GABRB3: variants seen among roughly 807,000 people sequenced by gnomAD.
GABRB3 encodes gamma-aminobutyric acid receptor subunit beta-3.
GABRB3 carries 14 observed loss-of-function variants against 52.1 expected under a neutral mutation model. The observed-to-expected ratio is 0.27, with a 90% CI of 0.18 to 0.42. The LOEUF (loss-of-function observed/expected upper bound fraction) is 0.42, where lower values mean the gene tolerates loss of function less well. Among genes scored for constraint, GABRB3 ranks in the 10% least tolerant of loss-of-function variants. GABRB3 has a pLI of 1.00. For synonymous variants in GABRB3, 260 were observed against 232.3 expected (o/e 1.12, Z -1.08); for missense variants, 307 against 609.1 (o/e 0.50, Z 5.22).
chr15:26,624,131 G>A (rs1041834682), intron 3 of GABRB3: 3 of 937,354 alleles, frequency 3.2e-6, no homozygotes, highest in Non-Finnish European at 3.8e-6. Context: ...AAAGGTTCTC[G>A]GACACTGGGC....
intron 6 of GABRB3, among the ~76,000 whole-genome samples, chr15:26,574,290 T>C (rs1010387289): frequency 6.6e-6 from 1 of 152,106 alleles, no homozygotes; most frequent in Non-Finnish European, 1.5e-5. Context: ...ATGGAGAAAT[T>C]GGAACCCTCC....
At chr15:26,682,169 G>A (rs769771147) in intron 3 of GABRB3, among the ~76,000 whole-genome samples, 3 of 151,996 alleles carry the variant, frequency 2.0e-5, no homozygotes, top group South Asian at 2.1e-4. Context: ...CAACGGTGCC[G>A]CGAAGGCAGT....
chr15:26,579,044 T>C (rs1012708441), intron 6 of GABRB3, among the ~76,000 whole-genome samples: 2 of 152,182 alleles, frequency 1.3e-5, no homozygotes, highest in African/African-American at 4.8e-5. Context: ...GTCTTAAAAA[T>C]TCAGGCTTTT....
chr15:26,579,625 C>T (rs1239369379), intron 6 of GABRB3, among the ~76,000 whole-genome samples: 2 of 152,208 alleles, frequency 1.3e-5, no homozygotes, highest in African/African-American at 4.8e-5. Flanking sequence ...TTTTACAAAG[C>T]ACTTTCATTT....
rs564730966 is a variant in GABRB3 at position 26,708,888 on chromosome 15, T to C, written c.240+63514A>G. Among the ~76,000 whole-genome samples the C allele has an allele frequency of 2.0e-5, 3 of 152,304 alleles. No individual in the cohort carries two copies. In the South Asian group the frequency reaches 6.2e-4, roughly 32 times the overall value. On this transcript the variant is annotated intron_variant, in intron 3 of 8. Coordinates refer to ENST00000311550, the MANE Select transcript of GABRB3 (RefSeq NM_000814.6). ...AGTACAGGACCTTTATGCGGGCTGTTTGGAAGGATCCAGAGAGCTATCACA... is the reference window on the plus strand; with the variant it reads ...AGTACAGGACCTTTATGCGGGCTGTCTGGAAGGATCCAGAGAGCTATCACA...
chr15:26,652,316 C>A (rs900848413), intron 3 of GABRB3, among the ~76,000 whole-genome samples: 2 of 152,204 alleles, frequency 1.3e-5, no homozygotes, highest in African/African-American at 4.8e-5. Context: ...TTGAACCAAA[C>A]TGTAAAACCA....
intron 3 of GABRB3, among the ~76,000 whole-genome samples, chr15:26,720,390 T>C (rs888912960): frequency 2.0e-5 from 3 of 152,178 alleles, no homozygotes; most frequent in Non-Finnish European, 4.4e-5. Context: ...TTCTCCTGGC[T>C]CTCTGATCCC....
At chr15:26,556,394 G>A (rs190731594) in intron 8 of GABRB3, among the ~76,000 whole-genome samples, 30 of 152,312 alleles carry the variant, frequency 2.0e-4, no homozygotes, top group Non-Finnish European at 3.7e-4. Context: ...GACTTGCCAC[G>A]TGAAGAATGA....
chr15:26,727,259 C>T (rs1889798678), intron 3 of GABRB3, among the ~76,000 whole-genome samples: 1 of 152,174 alleles, frequency 6.6e-6, no homozygotes, highest in Non-Finnish European at 1.5e-5. Context: ...CTGTCTAATT[C>T]CATCAACCTC....
intron 3 of GABRB3, among the ~76,000 whole-genome samples, chr15:26,718,219 T>C (rs536210651): frequency 3.3e-5 from 5 of 151,412 alleles, no homozygotes; most frequent in Admixed American, 6.6e-5. Context: ...TATTTATTTA[T>C]TTTTTTGGGA....
intron 4 of GABRB3, among the ~76,000 whole-genome samples, chr15:26,589,445 C>T (rs1176913895): frequency 6.6e-6 from 1 of 152,150 alleles, no homozygotes; most frequent in Non-Finnish European, 1.5e-5. Flanking sequence ...ATCTCTTCCC[C>T]CATTTGTATG....
intron 4 of GABRB3, among the ~76,000 whole-genome samples, chr15:26,610,282 T>G (rs868443146): frequency 6.6e-6 from 1 of 152,220 alleles, no homozygotes; most frequent in African/African-American, 2.4e-5. Flanking sequence ...GATTTGAGAC[T>G]GATCTCCCAT....
chr15:26,655,329 G>A (rs539048020), intron 3 of GABRB3, among the ~76,000 whole-genome samples: 1 of 152,216 alleles, frequency 6.6e-6, no homozygotes, highest in Admixed American at 6.5e-5. Flanking sequence ...CCTTTTAACT[G>A]TTGTAAATAA....
chr15:26,594,041 G>A (rs1454412663), intron 4 of GABRB3, among the ~76,000 whole-genome samples: 1 of 146,922 alleles, frequency 6.8e-6, no homozygotes, highest in African/African-American at 2.5e-5. Context: ...GTATCTCATT[G>A]TGGTTTAAGG....
At position 26,599,866 on chromosome 15, in the gene GABRB3, T is replaced by C. The variant is rs553653034; in HGVS notation, c.462-16452A>G. Among the ~76,000 whole-genome samples, 3 of 152,144 alleles carry C rather than the reference T, an allele frequency of 2.0e-5. No individual in the cohort carries two copies. The South Asian group carries it at 6.2e-4, about 32-fold the overall frequency. On this transcript the variant is annotated intron_variant, in intron 4 of 8. Transcript: ENST00000311550. ...AGAAATCATGACACCTCTAAAAGAA[T>C]TAATAAAGCTCCAACAATGAACCCT...
chr15:26,671,805 G>A (rs889831544), intron 3 of GABRB3, among the ~76,000 whole-genome samples: 5 of 152,054 alleles, frequency 3.3e-5, no homozygotes, highest in East Asian at 1.9e-4. Flanking sequence ...CCAGTGCCAC[G>A]GGGGGACAAG....
intron 3 of GABRB3, among the ~76,000 whole-genome samples, chr15:26,645,904 C>G (rs1047194553): frequency 6.6e-6 from 1 of 151,798 alleles, no homozygotes; most frequent in Admixed American, 6.6e-5. Context: ...TGTAGACCGC[C>G]TGATGGAGTC....
At chr15:26,584,814 C>G (rs1432217678) in intron 4 of GABRB3, among the ~76,000 whole-genome samples, 2 of 152,184 alleles carry the variant, frequency 1.3e-5, no homozygotes, top group Admixed American at 1.3e-4. Flanking sequence ...CCTTTCCCCA[C>G]CACTGTCAAA....
At chr15:26,772,350 C>A (rs1891171964) in intron 3 of GABRB3, 52 bp downstream of exon 3, 2 of 1,513,430 alleles carry the variant, frequency 1.3e-6, no homozygotes, top group African/African-American at 1.4e-5. Context: ...GCCTGTGATC[C>A]CAGACAGCGG....
Sources: allele counts gnomAD v4.1 joint callset (sites outside exome capture counted in the v4.1 genomes callset), GRCh38; gene constraint gnomAD v4.1.1; transcripts MANE v1.5; gene names NCBI Gene and HGNC (gene_info 2026-07-23, HGNC 2026-07-21).